Variants in KLHL32 observed in about 807,000 individuals in gnomAD.
The protein encoded by KLHL32 is kelch like family member 32, also known as kelch-like protein 32.
A neutral mutation model predicts 64.8 loss-of-function variants in KLHL32; 35 were observed. The observed-to-expected ratio is 0.54, with a 90% confidence interval of 0.41 to 0.72. The LOEUF (loss-of-function observed/expected upper bound fraction) is 0.72. Among genes scored for constraint, KLHL32 ranks in the 30% least tolerant of loss-of-function variants. The pLI is 0.00. For missense variants in KLHL32, 589 were observed against 768.5 expected (o/e 0.77, Z 2.76); for synonymous variants, 259 against 281.0 (o/e 0.92, Z 0.78).
At chr6:97,137,080 A>T (rs1800104606) in intron 10 of KLHL32, among the ~76,000 whole-genome samples, 1 of 152,186 alleles carries the variant, frequency 6.6e-6, no homozygotes, top group Non-Finnish European at 1.5e-5. Flanking sequence ...GGTAAATACT[A>T]AATGACCTCT....
At chr6:96,999,379 G>A (rs910195338) in intron 3 of KLHL32, 6 of 225,182 alleles carry the variant, frequency 2.7e-5, no homozygotes, top group African/African-American at 1.2e-4. Flanking sequence ...CTGATTGACA[G>A]AGTAAGACTC....
chr6:97,092,452 CT>C lies in KLHL32; in HGVS notation c.627+7114del, dbSNP rs201619698. 9.7e-3 allele frequency among the ~76,000 whole-genome samples: 1,484 copies of C among 152,264 alleles called. 14 individuals are homozygous for C. The highest frequency in any genetic ancestry group is 0.014 in the Middle Eastern group (4 of 294). The stretch of plus-strand genomic sequence containing the variant: ...CAAATTTGTACCACTTCTTAATTTT[CT>C]TTCTGAAACTTTTTATAGTTTCTCC... On this transcript the variant is annotated intron_variant, in intron 6 of 10. Transcript: ENST00000369261.
chr6:97,044,880 T>C (rs1035317348), intron 4 of KLHL32, among the ~76,000 whole-genome samples: 3 of 152,080 alleles, frequency 2.0e-5, no homozygotes, highest in African/African-American at 4.8e-5. Flanking sequence ...TTTCTGATTT[T>C]ATTTATTTGA....
At chr6:97,034,654 A>C (rs945153484) in intron 3 of KLHL32, among the ~76,000 whole-genome samples, 2 of 151,406 alleles carry the variant, frequency 1.3e-5, no homozygotes, top group African/African-American at 4.9e-5. Context: ...ATGTCTTTCC[A>C]TTTTATCTGT....
Position 97,139,330 on chromosome 6 carries a change from G to T in KLHL32, c.*48G>T. On this transcript the variant is annotated 3_prime_UTR_variant, in exon 11 of 11. Transcript: ENST00000369261. ...GAGGAAAACATAGCTCTGACTGTTGGATACTGGGCATGAAAAGACTCAGTG... is the reference window on the plus strand; with the variant it reads ...GAGGAAAACATAGCTCTGACTGTTGTATACTGGGCATGAAAAGACTCAGTG... 1 of 1,506,644 alleles carries T rather than the reference G, an allele frequency of 6.6e-7. No homozygotes were observed. Among genetic ancestry groups the T allele is most frequent in the Non-Finnish European group, 9.1e-7 (1 of 1,100,308 alleles). The allele number at this position is 1,506,644 out of a possible 1,614,324, so 93.3% of individuals were successfully genotyped here.
Position 97,041,501 on chromosome 6 carries a change from A to G in KLHL32, c.214A>G (p.Ser72Gly). Reference protein sequence around the residue: ...ACSDYFRAMFSLCMVESGADE... With the variant: ...ACSDYFRAMFGLCMVESGADE... ...CCTTTCCTCACCTCAGGCAATGTTCAGTCTTTGTATGGTGGAAAGTGGAGC... is the reference window on the plus strand; with the variant it reads ...CCTTTCCTCACCTCAGGCAATGTTCGGTCTTTGTATGGTGGAAAGTGGAGC... The change falls in exon 4 of 11, where the codon AGT becomes GGT. Residue 72 changes from serine (S) to glycine (G), a missense_variant. Physicochemically the swap from Ser to Gly is moderately conservative, Grantham distance 56. Coordinates refer to ENST00000369261, the MANE Select transcript of KLHL32 (RefSeq NM_052904.4). 1 of 1,611,936 alleles carries G rather than the reference A, an allele frequency of 6.2e-7. No homozygotes were observed. The highest frequency in any genetic ancestry group is 1.1e-5 in the South Asian group (1 of 91,024).
intron 3 of KLHL32, among the ~76,000 whole-genome samples, chr6:96,989,233 T>G (rs973157178): frequency 2.0e-5 from 3 of 152,262 alleles, no homozygotes; most frequent in Non-Finnish European, 4.4e-5. Context: ...TGGTAGCTGG[T>G]AATGATGTTT....
intron 1 of KLHL32, among the ~76,000 whole-genome samples, chr6:96,960,426 C>T (rs932974813): frequency 2.0e-4 from 31 of 152,278 alleles, no homozygotes; most frequent in African/African-American, 6.3e-4. Context: ...CTAACCACTC[C>T]TTTGAGTTAC....
chr6:97,031,748 G>A (rs1783587320), intron 3 of KLHL32, among the ~76,000 whole-genome samples: 3 of 152,256 alleles, frequency 2.0e-5, no homozygotes, highest in Admixed American at 2.0e-4. Context: ...TAGAAGTCTA[G>A]GAGTATGTTG....
At chr6:96,925,371 A>G (rs1769015460) in intron 1 of KLHL32, among the ~76,000 whole-genome samples, 1 of 152,244 alleles carries the variant, frequency 6.6e-6, no homozygotes, top group Non-Finnish European at 1.5e-5. Context: ...TAAAATATAC[A>G]CTGAGGACCT....
chr6:97,113,797 G>C lies in KLHL32; in HGVS notation c.642G>C (p.Trp214Cys). ...EEQIWQLAVR[W>C]LEHNCHYQYM... ...CTCTGTTTCAGCTAGCTGTGAGGTG[G>C]TTGGAACACAACTGCCACTACCAGT... Residue 214 changes from tryptophan (W) to cysteine (C), a missense_variant, in exon 7 of 11, where the codon TGG becomes TGC. Physicochemically the swap from Trp to Cys is radical, Grantham distance 215. Around this residue, in one of 3 missense-constraint regions of KLHL32, gnomAD observed 226 missense variants for 353.2 expected, o/e 0.64. Coordinates refer to ENST00000369261, the MANE Select transcript of KLHL32 (RefSeq NM_052904.4). 6.2e-7 allele frequency: 1 copy of C among 1,612,096 alleles called. No homozygotes were observed. The highest frequency in any genetic ancestry group is 8.5e-7 in the Non-Finnish European group (1 of 1,178,296).
intron 3 of KLHL32, among the ~76,000 whole-genome samples, chr6:97,029,812 A>G (rs546937701): frequency 6.6e-6 from 1 of 152,342 alleles, no homozygotes; most frequent in African/African-American, 2.4e-5. Context: ...AAAGGCTAAT[A>G]ACCATTAACA....
At chr6:96,982,462 T>C (rs1776431477) in intron 3 of KLHL32, among the ~76,000 whole-genome samples, 1 of 152,198 alleles carries the variant, frequency 6.6e-6, no homozygotes, top group African/African-American at 2.4e-5. Context: ...GAGATGGGTC[T>C]CTTGAAGACA....
intron 6 of KLHL32, among the ~76,000 whole-genome samples, chr6:97,101,668 G>A (rs1795743782): frequency 6.6e-6 from 1 of 152,128 alleles, no homozygotes; most frequent in African/African-American, 2.4e-5. Flanking sequence ...ATTTAACAAA[G>A]CCACAGAACT....
At chr6:97,079,540 A>C (rs1395377084) in intron 5 of KLHL32, among the ~76,000 whole-genome samples, 1 of 152,200 alleles carries the variant, frequency 6.6e-6, no homozygotes, top group African/African-American at 2.4e-5. Flanking sequence ...TGAAGGAACC[A>C]ATTAGGGAAA....
intron 2 of KLHL32, among the ~76,000 whole-genome samples, chr6:96,968,757 A>G (rs541562280): frequency 6.6e-6 from 1 of 152,144 alleles, no homozygotes; most frequent in East Asian, 1.9e-4. Context: ...CCTTGTCCTG[A>G]AAAGCTCTGT....
At chr6:96,985,301 A>T (rs1009274176) in intron 3 of KLHL32, among the ~76,000 whole-genome samples, 3 of 152,042 alleles carry the variant, frequency 2.0e-5, no homozygotes, top group African/African-American at 7.2e-5. Flanking sequence ...GGCTGCCCTT[A>T]TCATTTTTTC....
At chr6:96,969,672 G>A (rs543858347) in intron 2 of KLHL32, among the ~76,000 whole-genome samples, 1 of 152,220 alleles carries the variant, frequency 6.6e-6, no homozygotes, top group Admixed American at 6.5e-5. Context: ...CCCACAACTA[G>A]GCCAAAACCT....
chr6:96,945,804 GC>G (rs895946225), intron 1 of KLHL32, among the ~76,000 whole-genome samples: 7 of 152,126 alleles, frequency 4.6e-5, no homozygotes, highest in African/African-American at 1.7e-4. Context: ...ATGAACCTGG[GC>G]CCCGTTGGTG....
Sources: gnomAD v4.1 joint callset for allele counts (sites outside exome capture counted in the v4.1 genomes callset) on GRCh38, gnomAD v4.1.1 for gene constraint, gnomAD v4.1.1 regional missense constraint, MANE v1.5 for transcripts, NCBI Gene and HGNC (gene_info 2026-07-23, HGNC 2026-07-21) for gene names.